Variants in NXPE2 observed in about 807,000 individuals in gnomAD.
NXPE2 encodes NXPE family member 2.
Under a neutral mutation model 34.4 loss-of-function variants are expected in NXPE2, and 34 were observed. The ratio of observed to expected loss-of-function variants is 0.99; its 90% confidence interval spans 0.75 to 1.31. The LOEUF (loss-of-function observed/expected upper bound fraction) is 1.31, where lower values mean the gene tolerates loss of function less well. NXPE2 is among the 40% of genes most tolerant of loss of function. The pLI, the probability that NXPE2 is intolerant of heterozygous loss-of-function variation, is 0.00. For synonymous variants in NXPE2, 235 were observed against 231.3 expected (o/e 1.02, Z -0.15); for missense variants, 649 against 672.5 (o/e 0.97, Z 0.39).
chr11:114,540,657 A>T, the NXPE2 span, among the ~76,000 whole-genome samples: 1 of 151,946 alleles, frequency 6.6e-6, no homozygotes, highest in Non-Finnish European at 1.5e-5. Flanking sequence ...TTCAACTCTG[A>T]ACGAAATGCC....
At chr11:114,731,627 T>C in the NXPE2 span, among the ~76,000 whole-genome samples, 1 of 152,168 alleles carries the variant, frequency 6.6e-6, no homozygotes, top group Non-Finnish European at 1.5e-5. Flanking sequence ...CTCTTAAAAG[T>C]TTACATACTG....
the NXPE2 span, chr11:114,527,878 A>C: frequency 1.9e-5 from 30 of 1,604,152 alleles, no homozygotes; most frequent in Non-Finnish European, 2.5e-5. Flanking sequence ...ACGATCCTTC[A>C]TCATTTCAAC....
At chr11:114,651,862 C>G in the NXPE2 span, among the ~76,000 whole-genome samples, 1 of 152,108 alleles carries the variant, frequency 6.6e-6, no homozygotes, top group Non-Finnish European at 1.5e-5. Context: ...AGTCCCCACC[C>G]GACCCAGAAG....
the NXPE2 span, among the ~76,000 whole-genome samples, chr11:114,668,291 T>G: frequency 6.6e-6 from 1 of 151,992 alleles, no homozygotes; most frequent in African/African-American, 2.4e-5. Flanking sequence ...GACAGGCTCC[T>G]GCTTGTCTGC....
At chr11:114,591,188 G>A in the NXPE2 span, among the ~76,000 whole-genome samples, 2 of 152,202 alleles carry the variant, frequency 1.3e-5, no homozygotes, top group Non-Finnish European at 2.9e-5. Flanking sequence ...CTCTATCCAG[G>A]CACAAGTGCT....
At chr11:114,594,344 A>T in the NXPE2 span, among the ~76,000 whole-genome samples, 1 of 152,186 alleles carries the variant, frequency 6.6e-6, no homozygotes, top group Admixed American at 6.5e-5. Context: ...AATTAAAAAC[A>T]AACAAATGAA....
At chr11:114,592,511 G>C in the NXPE2 span, among the ~76,000 whole-genome samples, 6 of 151,182 alleles carry the variant, frequency 4.0e-5, no homozygotes, top group Admixed American at 2.6e-4. Context: ...CAAGAAATTG[G>C]AGAACACACA....
At chr11:114,583,405 G>T in the NXPE2 span, 1 of 633,016 alleles carries the variant, frequency 1.6e-6, no homozygotes, top group South Asian at 1.5e-5. Flanking sequence ...ACTGAAAAAT[G>T]GAAACCCATC....
the NXPE2 span, among the ~76,000 whole-genome samples, chr11:114,807,506 G>C: frequency 6.6e-6 from 1 of 151,576 alleles, no homozygotes; most frequent in African/African-American, 2.4e-5. Context: ...GATCTACCAA[G>C]CAAATGGAAA....
chr11:114,712,566 G>T, the NXPE2 span, among the ~76,000 whole-genome samples: 1 of 152,082 alleles, frequency 6.6e-6, no homozygotes, highest in South Asian at 2.1e-4. Flanking sequence ...TTACAATGAG[G>T]TATCACCTCA....
chr11:114,559,389 A>G, the NXPE2 span, among the ~76,000 whole-genome samples: 5 of 152,344 alleles, frequency 3.3e-5, no homozygotes, highest in African/African-American at 1.2e-4. Context: ...ACAATGTCAT[A>G]CATAAAACAA....
the NXPE2 span, among the ~76,000 whole-genome samples, chr11:114,651,919 C>G: frequency 3.3e-5 from 5 of 152,148 alleles, no homozygotes; most frequent in African/African-American, 4.8e-5. Context: ...AAACCATAAA[C>G]AAAACAAAGA....
At chr11:114,786,365 C>CCCA in the NXPE2 span, among the ~76,000 whole-genome samples, 1 of 130,846 alleles carries the variant, frequency 7.6e-6, no homozygotes, top group Non-Finnish European at 1.6e-5. Flanking sequence ...ACCCCCGCCC[C>CCCA]CCGCCCCACC....
the NXPE2 span, chr11:114,530,253 C>T: frequency 4.3e-6 from 7 of 1,613,848 alleles, no homozygotes. Flanking sequence ...CAGAGCCTCA[C>T]AGGGCATGTG....
At chr11:114,745,026 C>T in the NXPE2 span, among the ~76,000 whole-genome samples, 1,408 of 152,148 alleles carry the variant, frequency 9.3e-3, 22 homozygotes, top group African/African-American at 0.031. Context: ...TATTCTTTCT[C>T]AGCAAATAAA....
At chr11:114,811,102 G>A in the NXPE2 span, among the ~76,000 whole-genome samples, 7 of 148,008 alleles carry the variant, frequency 4.7e-5, no homozygotes, top group East Asian at 2.0e-4. Context: ...ACCAAACACC[G>A]CATGTTCTTG....
At chr11:114,772,538 T>A in the NXPE2 span, among the ~76,000 whole-genome samples, 1 of 152,102 alleles carries the variant, frequency 6.6e-6, no homozygotes, top group Non-Finnish European at 1.5e-5. Flanking sequence ...TTTGGAACAG[T>A]GCTAGCTTCT....
chr11:114,678,394 G>A (rs999843385), upstream of NXPE2: 1 of 535,236 alleles, frequency 1.9e-6, no homozygotes, highest in Non-Finnish European at 3.4e-6. Context: ...GTGTGGGTTG[G>A]GCAGGAACAG....
chr11:114,803,787 C>A, the NXPE2 span, among the ~76,000 whole-genome samples: 1 of 152,024 alleles, frequency 6.6e-6, no homozygotes, highest in African/African-American at 2.4e-5. Context: ...ACCATGTTGG[C>A]CAGGATGGTC....
Sources: gnomAD v4.1 joint callset for allele counts (sites outside exome capture counted in the v4.1 genomes callset) on GRCh38, gnomAD v4.1.1 for gene constraint, MANE v1.5 for transcripts, NCBI Gene and HGNC (gene_info 2026-07-23, HGNC 2026-07-21) for gene names.